Variants in AMN1 observed in about 807,000 individuals in gnomAD.
AMN1 encodes the protein antagonist of mitotic exit network 1 homolog.
A neutral mutation model predicts 33.0 loss-of-function variants in AMN1; 20 were observed. The ratio of observed to expected loss-of-function variants is 0.61; its 90% CI spans 0.43 to 0.88. The LOEUF is 0.88. AMN1 is among the 40% of genes least tolerant of loss of function. The probability of loss-of-function intolerance (pLI) is 0.00; values close to 1 mark genes in which losing one functional copy is unlikely to be tolerated. For synonymous variants in AMN1, 114 were observed against 111.9 expected, an observed-to-expected ratio of 1.02 and a Z score of -0.12; for missense variants, 246 against 307.4, an observed-to-expected ratio of 0.80 and a Z score of 1.49.
chr12:31,722,303 A>G (rs1337492936), intron 1 of AMN1, among the ~76,000 whole-genome samples: 1 of 152,186 alleles, frequency 6.6e-6, no homozygotes, highest in African/African-American at 2.4e-5. Flanking sequence ...TTTCCAGACC[A>G]CTTTCACTCT....
chr12:31,678,351 A>C, intron 6 of AMN1, among the ~76,000 whole-genome samples: 1 of 151,936 alleles, frequency 6.6e-6, no homozygotes. Flanking sequence ...TGGCAGGAGC[A>C]CTTGGAACAC....
Position 31,726,807 on chromosome 12 carries a change from G to A in AMN1, c.38+2164C>T, listed in dbSNP as rs183283355. 5.9e-5 allele frequency among the ~76,000 whole-genome samples: 9 copies of A among 152,236 alleles called. No individual in the cohort carries two copies. In the East Asian group the frequency reaches 1.2e-3, roughly 20 times the overall value. On this transcript the variant is annotated intron_variant, in intron 1 of 6. Coordinates refer to ENST00000281471, the MANE Select transcript of AMN1 (RefSeq NM_001113402.2). ...GGGCAAATATGGACCTTTACCTAGG[G>A]ACCACACTCTAGCATGACAATGAAG... is the stretch of plus-strand genomic sequence containing the variant.
intron 6 of AMN1, among the ~76,000 whole-genome samples, chr12:31,688,132 T>G (rs1450163493): frequency 6.6e-6 from 1 of 152,128 alleles, no homozygotes; most frequent in Non-Finnish European, 1.5e-5. Context: ...TTTTGTAATT[T>G]TAGTAGAGAT....
chr12:31,680,361 C>T (rs1039072780), intron 6 of AMN1, among the ~76,000 whole-genome samples: 6 of 151,736 alleles, frequency 4.0e-5, no homozygotes, highest in Non-Finnish European at 5.9e-5. Context: ...TCACCACGCC[C>T]GACTCATTTC....
rs147231030 is a variant in AMN1 at position 31,687,626 on chromosome 12, T to A, written c.703+1381A>T. Among the ~76,000 whole-genome samples, 4 of 151,116 alleles carry A rather than the reference T, an allele frequency of 2.6e-5. No homozygotes were observed. The highest frequency in any genetic ancestry group is 5.9e-5 in the Non-Finnish European group (4 of 67,900). ...TGAACCTGGAAGGCAGAGGTTGCAGTGAGCCAAGATTGCACCACTGCACTC... is the reference window on the plus strand; with the variant it reads ...TGAACCTGGAAGGCAGAGGTTGCAGAGAGCCAAGATTGCACCACTGCACTC... On this transcript the variant is annotated intron_variant, in intron 6 of 6. Transcript: ENST00000281471. This position sits in a 1 kb window ranked among gnomAD's most constrained non-coding sequence, Gnocchi z 4.1.
chr12:31,696,868 C>A (rs1938749180), intron 5 of AMN1, among the ~76,000 whole-genome samples: 1 of 151,466 alleles, frequency 6.6e-6, no homozygotes, highest in Admixed American at 6.6e-5. Context: ...TTCCAGTGAG[C>A]CGAGATTATG....
At chr12:31,697,679 G>C (rs887266905) in intron 4 of AMN1, 61 bp downstream of exon 4, 1 of 1,514,936 alleles carries the variant, frequency 6.6e-7, no homozygotes, top group Non-Finnish European at 9.2e-7. Context: ...GTTCTCATTA[G>C]TCATGAAAAT....
In AMN1 at chr12:31,683,347, G is replaced by A. The variant is rs753136906; in HGVS notation, c.703+5660C>T. 2.0e-5 allele frequency among the ~76,000 whole-genome samples: 3 copies of A among 152,212 alleles called. No homozygotes were observed. The highest frequency in any genetic ancestry group is 2.9e-5 in the Non-Finnish European group (2 of 68,048). On this transcript the variant is annotated intron_variant, in intron 6 of 6. Coordinates refer to ENST00000281471, the MANE Select transcript of AMN1 (RefSeq NM_001113402.2). The surrounding 1 kb of genome is among the most constrained non-coding windows in gnomAD (Gnocchi z 4.1). ...ATAAAGCAGTGGTTCCCAAAGTGTA[G>A]TCTGCATATTCTGTAGTCTGAGACC...
At chr12:31,729,134 GA>G, upstream of AMN1, 1 of 1,128,260 alleles carries the variant, frequency 8.9e-7, no homozygotes, top group Non-Finnish European at 1.2e-6. Flanking sequence ...TTTTTCCGGT[GA>G]CCGGGGCGTG....
intron 2 of AMN1, among the ~76,000 whole-genome samples, chr12:31,702,566 T>C (rs1466367617): frequency 6.6e-6 from 1 of 151,612 alleles, no homozygotes; most frequent in Admixed American, 6.6e-5. Context: ...TTCTGTTCTT[T>C]ATTTTTTTTC....
At chr12:31,726,799 T>C (rs1371142598) in intron 1 of AMN1, among the ~76,000 whole-genome samples, 1 of 152,198 alleles carries the variant, frequency 6.6e-6, no homozygotes, top group African/African-American at 2.4e-5. Flanking sequence ...TATGGACCTT[T>C]ACCTAGGGAC....
chr12:31,713,795 CTG>C (rs1479896572), intron 1 of AMN1, among the ~76,000 whole-genome samples: 2 of 152,024 alleles, frequency 1.3e-5, no homozygotes, highest in Admixed American at 6.6e-5. Context: ...CTGCAGTAAG[CTG>C]TGATTGTACC....
At chr12:31,684,472 ATT>A (rs199644601) in intron 6 of AMN1, among the ~76,000 whole-genome samples, 13 of 142,436 alleles carry the variant, frequency 9.1e-5, no homozygotes, top group Admixed American at 2.1e-4. Context: ...ATCCTCAGTG[ATT>A]TTTTTTTTTT....
chr12:31,686,867 T>C (rs377616802), intron 6 of AMN1, among the ~76,000 whole-genome samples: 4 of 152,216 alleles, frequency 2.6e-5, no homozygotes, highest in Admixed American at 6.5e-5. Flanking sequence ...GTCCAACCAA[T>C]TAATTTTTAA....
Position 31,683,053 on chromosome 12 carries a change from C to T in AMN1, c.703+5954G>A, listed in dbSNP as rs980644645. ...TCTTGGCTAATTGCAACCTCTGCCC[C>T]CCAGGCTCAAGTGATCCTCATGCGT... is the stretch of plus-strand genomic sequence containing the variant. On this transcript the variant is annotated intron_variant, in intron 6 of 6. Transcript: ENST00000281471. The surrounding 1 kb of genome is among the most constrained non-coding windows in gnomAD (Gnocchi z 4.1). Among the ~76,000 whole-genome samples the T allele has an allele frequency of 2.0e-5, 3 of 151,970 alleles. No homozygotes were observed. Among genetic ancestry groups the T allele is most frequent in the Admixed American group, 2.0e-4 (3 of 15,246 alleles).
rs1951265810 is a variant in AMN1 at position 31,671,338 on chromosome 12, A to G, written c.*966T>C. 1 of 152,172 alleles carries G rather than the reference A, an allele frequency of 6.6e-6. No homozygotes were observed. The highest frequency in any genetic ancestry group is 1.5e-5 in the Non-Finnish European group (1 of 68,024). The allele number at this position is 152,172 out of a possible 1,614,324, so 9.4% of individuals were successfully genotyped here. ...AATGGAGTTGAATAAGTACCCCCCA[A>G]CATATACAAGAAAGTTAGCATACTT... On this transcript the variant is annotated 3_prime_UTR_variant, in exon 7 of 7. Transcript: ENST00000281471.
intron 1 of AMN1, among the ~76,000 whole-genome samples, chr12:31,717,855 A>G (rs1939735670): frequency 6.6e-6 from 1 of 151,932 alleles, no homozygotes; most frequent in Admixed American, 6.6e-5. Flanking sequence ...ATTTGTCCTA[A>G]TGCTCTCCCT....
chr12:31,684,193 A>G (rs536369749), intron 6 of AMN1, among the ~76,000 whole-genome samples: 5 of 152,302 alleles, frequency 3.3e-5, no homozygotes, highest in Middle Eastern at 3.4e-3. Flanking sequence ...ATGTATGAAA[A>G]GTGCATCATA....
chr12:31,728,977 A>C lies in AMN1; in HGVS notation c.32T>G (p.Leu11Arg), dbSNP rs1167826726. 1 of 1,546,500 alleles carries C rather than the reference A, an allele frequency of 6.5e-7. No individual in the cohort carries two copies. The highest frequency in any genetic ancestry group is 1.4e-5 in the African/African-American group (1 of 72,946). MPRPRRVSQL[L>R]DLCLWCFMKN... ...CGGGACAGGGTAGACTCACAGATCC[A>C]GGAGCTGACTGACCCGCCGTGGGCG... Residue 11 changes from leucine (L) to arginine (R), a missense_variant, in exon 1 of 7, where the codon CTG becomes CGG. Leu to Arg is a moderately radical substitution (Grantham distance 102). Transcript: ENST00000281471.
Sources: gnomAD v4.1 joint callset for allele counts (sites outside exome capture counted in the v4.1 genomes callset) on GRCh38, gnomAD v4.1.1 for gene constraint, Gnocchi (gnomAD v3.1) non-coding constraint, MANE v1.5 for transcripts, NCBI Gene and HGNC (gene_info 2026-07-23, HGNC 2026-07-21) for gene names.